The following FKBP4 variants were observed in gnomAD, a reference collection of about 807,000 sequenced individuals.
The protein encoded by FKBP4 is FKBP prolyl isomerase 4, also known as peptidyl-prolyl cis-trans isomerase FKBP4.
Under a neutral mutation model 54.1 loss-of-function variants are expected in FKBP4, and 28 were observed. That is an observed-to-expected ratio of 0.52 (90% CI 0.38 to 0.71). The LOEUF (loss-of-function observed/expected upper bound fraction) is 0.71, where lower values mean the gene tolerates loss of function less well. Among genes scored for constraint, FKBP4 ranks in the 30% least tolerant of loss-of-function variants. FKBP4 has a pLI of 0.00. For missense variants in FKBP4, 493 were observed against 574.4 expected (o/e 0.86, Z 1.45); for synonymous variants, 223 against 216.1 (o/e 1.03, Z -0.28).
rs1276017995 is a variant in FKBP4, at chr12:2,797,723, C to G, written c.251-6C>G. 1 of 1,610,732 alleles carries G rather than the reference C, an allele frequency of 6.2e-7. No homozygotes were observed. Among genetic ancestry groups the G allele is most frequent in the South Asian group, 1.1e-5 (1 of 90,694 alleles). On this transcript the variant is annotated splice_region_variant and splice_polypyrimidine_tract_variant and intron_variant, in intron 2 of 9. Transcript: ENST00000001008. The stretch of plus-strand genomic sequence containing the variant: ...AAGGCGGTCCTGTTTGCTTCTGTAC[C>G]TGCAGGGGAGGTCATCAAGGCTTGG...
Position 2,801,133 on chromosome 12 carries a change from G to C in FKBP4, c.1049G>C (p.Ser350Thr), listed in dbSNP as rs982485987. The change falls in exon 9 of 10, where the codon AGC becomes ACC. Residue 350 changes from serine to threonine, a missense_variant. Ser to Thr is a moderately conservative substitution (Grantham distance 58). Coordinates refer to ENST00000001008, the MANE Select transcript of FKBP4 (RefSeq NM_002014.4). ...ESCNKALELD[S>T]NNEKGLFRRG... ...ATTCTTTAGGCCCTAGAACTGGACA[G>C]CAACAACGAGAAGGGCCTCTTCCGC... The C allele has an allele frequency of 6.2e-7, 1 of 1,613,948 alleles. No homozygotes were observed. The highest frequency in any genetic ancestry group is 8.5e-7 in the Non-Finnish European group (1 of 1,179,886).
In FKBP4 at chr12:2,795,186, C is replaced by A. The variant is rs565460723; in HGVS notation, c.47C>A (p.Ala16Glu). Reference protein sequence around the residue: ...MKATESGAQSAPLPMEGVDIS... With the variant: ...MKATESGAQSEPLPMEGVDIS... ...GCGACCGAGAGCGGGGCGCAGTCGG[C>A]GCCGCTGCCCATGGAGGGAGTGGAC... The change falls in exon 1 of 10, where the codon GCG becomes GAG. Residue 16 changes from alanine (A) to glutamate (E), a missense_variant. By Grantham distance (107) the Ala-to-Glu change is moderately radical. Transcript: ENST00000001008. This position sits in a 1 kb window ranked among gnomAD's most constrained non-coding sequence, Gnocchi z 4.3. 3.3e-5 allele frequency: 44 copies of A among 1,322,112 alleles called. 2 individuals carry two copies. In the South Asian group the frequency reaches 1.1e-3, roughly 33 times the overall value. The allele number at this position is 1,322,112 out of a possible 1,614,324, so 81.9% of individuals were successfully genotyped here. A position where few individuals can be genotyped will look rare whatever the true frequency, so the allele number is the denominator to read the frequency against.
Position 2,795,872 on chromosome 12 carries a change from GCCCCCT to G in FKBP4, c.105+632_105+637del. ...GCGAGGTCCCCACTCGCCGCGCGGC[GCCCCCT>G]CCCTCGGCCCCGGGGAGGCCGGGCG... On this transcript the variant is annotated intron_variant, in intron 1 of 9. Transcript: ENST00000001008. The surrounding 1 kb of genome is among the most constrained non-coding windows in gnomAD (Gnocchi z 4.3). 1 of 846,832 alleles carries G rather than the reference GCCCCCT, an allele frequency of 1.2e-6. No homozygotes were observed. The highest frequency in any genetic ancestry group is 1.4e-6 in the Non-Finnish European group (1 of 702,308). 52.5% of individuals were successfully genotyped at this position (846,832 alleles called of 1,614,324 possible).
At chr12:2,802,748 C>T (rs994206089) in intron 9 of FKBP4, among the ~76,000 whole-genome samples, 1 of 152,004 alleles carries the variant, frequency 6.6e-6, no homozygotes, top group East Asian at 1.9e-4. Flanking sequence ...TTGTTTGAGA[C>T]AGTGTCTCTT....
At chr12:2,796,061 T>C in intron 1 of FKBP4, 1 of 1,182,340 alleles carries the variant, frequency 8.5e-7, no homozygotes, top group Non-Finnish European at 1.1e-6. Context: ...GAGGGCATCT[T>C]GACCTGGGCC....
At position 2,798,643 on chromosome 12, in the gene FKBP4, A is replaced by G. The variant is rs1415538979; in HGVS notation, c.394-63A>G. The G allele has an allele frequency of 1.1e-5, 18 of 1,609,216 alleles. No individual in the cohort carries two copies. Among genetic ancestry groups the G allele is most frequent in the South Asian group, 3.3e-5 (3 of 90,758 alleles). On this transcript the variant is annotated intron_variant, in intron 3 of 9. Transcript: ENST00000001008. The surrounding 1 kb of genome is among the most constrained non-coding windows in gnomAD (Gnocchi z 4.3). The stretch of plus-strand genomic sequence containing the variant: ...TAGTAGGGACTCTCTCGGATGAGAA[A>G]GATTGTGTTTCACTGCCCATGAGTT...
chr12:2,795,117 G>T lies in FKBP4; in HGVS notation c.-23G>T, dbSNP rs1171196160. The T allele has an allele frequency of 7.8e-7, 1 of 1,289,738 alleles. No individual in the cohort carries two copies. Among genetic ancestry groups the T allele is most frequent in the Non-Finnish European group, 9.9e-7 (1 of 1,008,286 alleles). 79.9% of individuals were successfully genotyped at this position (1,289,738 alleles called of 1,614,324 possible). A position where few individuals can be genotyped will look rare whatever the true frequency, so the allele number is the denominator to read the frequency against. On this transcript the variant is annotated 5_prime_UTR_variant, in exon 1 of 10. Coordinates refer to ENST00000001008, the MANE Select transcript of FKBP4 (RefSeq NM_002014.4). The surrounding 1 kb of genome is among the most constrained non-coding windows in gnomAD (Gnocchi z 4.3). The stretch of plus-strand genomic sequence containing the variant: ...GCGCTCGCGCCGGCACCAGCTCCCG[G>T]ATAAACGGCGCGCCGCGCGGAGATG...
intron 9 of FKBP4, 60 bp downstream of exon 9, chr12:2,801,416 G>C: frequency 6.2e-7 from 1 of 1,603,656 alleles, no homozygotes; most frequent in East Asian, 2.2e-5. Flanking sequence ...TGGCTACTGT[G>C]GGCTCTTTGT....
chr12:2,799,146 G>T lies in FKBP4; in HGVS notation c.573G>T (p.Glu191Asp). ...TTGACCAGCGGGAGCTCCGCTTTGAGATTGGCGAGGGGGAGAACCTGGATC... is the reference window on the plus strand; with the variant it reads ...TTGACCAGCGGGAGCTCCGCTTTGATATTGGCGAGGGGGAGAACCTGGATC... Reference protein sequence around the residue: ...KLFDQRELRFEIGEGENLDLP... With the variant: ...KLFDQRELRFDIGEGENLDLP... The change falls in exon 5 of 10, where the codon GAG becomes GAT. Residue 191 changes from glutamate to aspartate, a missense_variant. Physicochemically the swap from Glu to Asp is conservative, Grantham distance 45 (BLOSUM62 2). Transcript: ENST00000001008. 6.3e-7 allele frequency: 1 copy of T among 1,589,092 alleles called. No individual in the cohort carries two copies. Among genetic ancestry groups the T allele is most frequent in the East Asian group, 2.2e-5 (1 of 44,686 alleles).
chr12:2,798,873 G>A lies in FKBP4; in HGVS notation c.514+47G>A. On this transcript the variant is annotated intron_variant, in intron 4 of 9. Transcript: ENST00000001008. The surrounding 1 kb of genome is among the most constrained non-coding windows in gnomAD (Gnocchi z 4.3). ...TTTCAATTCTCATTCTGATATTTAG[G>A]CCTTGTGTGGCTTTGGGCAAGACAC... 6.3e-7 allele frequency: 1 copy of A among 1,597,076 alleles called. No individual in the cohort carries two copies. The highest frequency in any genetic ancestry group is 1.1e-5 in the South Asian group (1 of 90,664).
chr12:2,804,716 G>A lies in FKBP4; in HGVS notation c.*1458G>A, dbSNP rs560913435. ...CTGTATAGTTCCTTCCAGAAGAAAT[G>A]TATAATGGTGGAAGATGTATTTCTG... On this transcript the variant is annotated 3_prime_UTR_variant, in exon 10 of 10. Transcript: ENST00000001008. 1.3e-5 allele frequency: 2 copies of A among 158,312 alleles called. No individual in the cohort carries two copies. Among genetic ancestry groups the A allele is most frequent in the South Asian group, 1.8e-4 (1 of 5,416 alleles). 9.8% of individuals were successfully genotyped at this position (158,312 alleles called of 1,614,324 possible). A position where few individuals can be genotyped will look rare whatever the true frequency, so the allele number is the denominator to read the frequency against.
chr12:2,796,647 C>CCTG, intron 1 of FKBP4: 1 of 1,126,630 alleles, frequency 8.9e-7, no homozygotes, highest in Non-Finnish European at 1.1e-6. Context: ...TGTTTCTATT[C>CCTG]TCTTCACTCA....
chr12:2,799,654 G>C (rs1302074235), intron 5 of FKBP4, among the ~76,000 whole-genome samples, 196 bp from the exon 6 acceptor site: 3 of 152,222 alleles, frequency 2.0e-5, no homozygotes, highest in African/African-American at 7.2e-5. Flanking sequence ...CTGCCTGGCT[G>C]TAAGTTATTA....
intron 1 of FKBP4, chr12:2,796,566 CAG>C: frequency 8.4e-7 from 1 of 1,186,946 alleles, no homozygotes; most frequent in Non-Finnish European, 1.1e-6. Context: ...GCTCCCAAGT[CAG>C]AGTTTAAGGT....
chr12:2,797,731 G>A lies in FKBP4; in HGVS notation c.253G>A (p.Glu85Lys). 1 of 1,612,174 alleles carries A rather than the reference G, an allele frequency of 6.2e-7. No homozygotes were observed. Among genetic ancestry groups the A allele is most frequent in the Non-Finnish European group, 8.5e-7 (1 of 1,178,662 alleles). The part of the protein sequence containing the change: ...DKFSFDLGKG[E>K]VIKAWDIAIA... ...CCTGTTTGCTTCTGTACCTGCAGGG[G>A]AGGTCATCAAGGCTTGGGACATTGC... Residue 85 changes from glutamate (E) to lysine (K), a missense_variant and splice_region_variant, in exon 3 of 10, where the codon GAG becomes AAG. Coordinates refer to ENST00000001008, the MANE Select transcript of FKBP4 (RefSeq NM_002014.4).
At chr12:2,801,380 T>C (rs746227190) in intron 9 of FKBP4, 24 bp downstream of exon 9, 1 of 1,612,790 alleles carries the variant, frequency 6.2e-7, no homozygotes, top group South Asian at 1.1e-5. Context: ...TGGGGAACAG[T>C]TGGAATAGCA....
intron 1 of FKBP4, chr12:2,796,932 C>T (rs1024183784): frequency 2.2e-6 from 3 of 1,358,412 alleles, no homozygotes; most frequent in Non-Finnish European, 2.8e-6. Flanking sequence ...TTTTTCAAAC[C>T]AAGTCTTGCT....
In FKBP4 at chr12:2,798,683, TTG is replaced by T. The variant is rs749749654; in HGVS notation, c.394-19_394-18del. On this transcript the variant is annotated intron_variant, in intron 3 of 9. Transcript: ENST00000001008. The surrounding 1 kb of genome is among the most constrained non-coding windows in gnomAD (Gnocchi z 4.3). ...GCCCATGAGTTAGCATGGGAAGGAA[TTG>T]TGTCACATCTTGTCCCACAGGTGGA... 3.1e-6 allele frequency: 5 copies of T among 1,612,700 alleles called. No homozygotes were observed. The highest frequency in any genetic ancestry group is 4.5e-5 in the East Asian group (2 of 44,866).
intron 1 of FKBP4, chr12:2,796,144 T>C (rs1027142459): frequency 8.8e-6 from 11 of 1,252,116 alleles, no homozygotes; most frequent in South Asian, 4.0e-5. Flanking sequence ...CTGCGTCTTA[T>C]GCCTTCTCCC....
Sources: allele counts gnomAD v4.1 joint callset (sites outside exome capture counted in the v4.1 genomes callset), GRCh38; gene constraint gnomAD v4.1.1; non-coding constraint Gnocchi (gnomAD v3.1); transcripts MANE v1.5; gene names NCBI Gene and HGNC (gene_info 2026-07-23, HGNC 2026-07-21).